Variants in TTC17 observed in about 807,000 individuals in gnomAD.
The protein encoded by TTC17 is tetratricopeptide repeat domain 17, also known as tetratricopeptide repeat protein 17.
In TTC17, 58 loss-of-function variants were observed where a neutral mutation model predicts 143.8. That is an observed-to-expected ratio of 0.40 (90% CI 0.33 to 0.50). TTC17 has a LOEUF of 0.50. Among genes scored for constraint, TTC17 ranks in the 20% least tolerant of loss-of-function variants. The probability of loss-of-function intolerance (pLI) is 0.49; values close to 1 mark genes in which losing one functional copy is unlikely to be tolerated. For missense variants in TTC17, 1,273 were observed against 1,392.5 expected (o/e 0.91, Z 1.37); for synonymous variants, 501 against 497.8 (o/e 1.01, Z -0.09).
chr11:43,463,983 T>C lies in TTC17; in HGVS notation c.3030+12718T>C, dbSNP rs73530653. Among the ~76,000 whole-genome samples the C allele has an allele frequency of 1.9e-3, 294 of 152,266 alleles. 2 individuals are homozygous for C. Among genetic ancestry groups the C allele is most frequent in the African/African-American group, 6.8e-3 (282 of 41,542 alleles). Reference sequence around the variant, plus strand: ...TGCTAAATAGGGGAAAAGATAAAATTATATCCATTCCACGGGGCGTGGTGG... The same window carrying C: ...TGCTAAATAGGGGAAAAGATAAAATCATATCCATTCCACGGGGCGTGGTGG... On this transcript the variant is annotated intron_variant, in intron 21 of 23. Coordinates refer to ENST00000039989, the MANE Select transcript of TTC17 (RefSeq NM_018259.6).
intron 8 of TTC17, among the ~76,000 whole-genome samples, chr11:43,398,972 T>A: frequency 6.8e-6 from 1 of 146,566 alleles, no homozygotes; most frequent in East Asian, 1.9e-4. Flanking sequence ...GCTGGCTCTA[T>A]CTTTACACAA....
intron 10 of TTC17, among the ~76,000 whole-genome samples, chr11:43,403,747 C>G (rs1565148089): frequency 6.6e-6 from 1 of 152,142 alleles, no homozygotes; most frequent in Non-Finnish European, 1.5e-5. Context: ...AGCAAAGGGA[C>G]AGGAAAACGA....
chr11:43,429,720 A>T (rs1297956055), intron 16 of TTC17, among the ~76,000 whole-genome samples: 3 of 152,220 alleles, frequency 2.0e-5, no homozygotes, highest in Admixed American at 1.3e-4. Flanking sequence ...AAAACTGCAT[A>T]ATTTTGAGTG....
At chr11:43,415,514 G>C (rs1946758683) in intron 16 of TTC17, among the ~76,000 whole-genome samples, 1 of 152,118 alleles carries the variant, frequency 6.6e-6, no homozygotes, top group Admixed American at 6.5e-5. Flanking sequence ...TCTAGCCATT[G>C]TAGAGTGCAC....
intron 3 of TTC17, among the ~76,000 whole-genome samples, chr11:43,390,571 G>A (rs11037431): frequency 0.042 from 5,803 of 139,532 alleles, 142 homozygotes; most frequent in Non-Finnish European, 0.065. Flanking sequence ...AGCCAAGATG[G>A]CACCACTGCA....
intron 8 of TTC17, among the ~76,000 whole-genome samples, chr11:43,399,304 A>G (rs1225415825): frequency 1.3e-5 from 2 of 152,364 alleles, no homozygotes; most frequent in African/African-American, 4.8e-5. Context: ...TGTTAAATAC[A>G]TAAACTTGTA....
At chr11:43,362,635 G>T (rs952932821) in intron 1 of TTC17, among the ~76,000 whole-genome samples, 1 of 151,914 alleles carries the variant, frequency 6.6e-6, no homozygotes, top group African/African-American at 2.4e-5. Flanking sequence ...TTAGAGATGG[G>T]GGTCTTTCTT....
chr11:43,435,240 T>C (rs1392849387), intron 16 of TTC17: 1 of 152,198 alleles, frequency 6.6e-6, no homozygotes, highest in Non-Finnish European at 1.5e-5. Context: ...AGAATTGTCC[T>C]CTAACAGGAA....
chr11:43,395,188 T>C (rs1857535515), intron 5 of TTC17, among the ~76,000 whole-genome samples: 1 of 150,628 alleles, frequency 6.6e-6, no homozygotes, highest in Admixed American at 6.6e-5. Flanking sequence ...GCAAGCTCCG[T>C]CTCCTGGGTT....
intron 5 of TTC17, among the ~76,000 whole-genome samples, chr11:43,392,441 G>A (rs765241046): frequency 2.6e-5 from 4 of 152,244 alleles, no homozygotes; most frequent in African/African-American, 9.6e-5. Context: ...GTATCATTCA[G>A]GATTAACGTG....
intron 18 of TTC17, chr11:43,447,787 A>T (rs778694547): frequency 1.3e-4 from 67 of 497,880 alleles, no homozygotes; most frequent in Non-Finnish European, 2.1e-4. Context: ...ATTTATTCTT[A>T]CTTCTCCACC....
At chr11:43,426,266 G>T (rs1274744066) in intron 16 of TTC17, among the ~76,000 whole-genome samples, 1 of 152,242 alleles carries the variant, frequency 6.6e-6, no homozygotes, top group Non-Finnish European at 1.5e-5. Context: ...GAGAGACTGA[G>T]TAAGATCCTG....
chr11:43,456,101 G>A (rs989176832), intron 21 of TTC17, among the ~76,000 whole-genome samples: 1 of 151,832 alleles, frequency 6.6e-6, no homozygotes, highest in African/African-American at 2.4e-5. Flanking sequence ...ATTATATCCA[G>A]ACTTGTGCAA....
intron 21 of TTC17, among the ~76,000 whole-genome samples, chr11:43,455,735 T>C (rs1947750435): frequency 6.6e-6 from 1 of 152,024 alleles, no homozygotes; most frequent in East Asian, 1.9e-4. Context: ...AAATAGTTAA[T>C]TCCAACCAAA....
At chr11:43,386,461 A>G (rs1857173479) in intron 2 of TTC17, among the ~76,000 whole-genome samples, 1 of 152,232 alleles carries the variant, frequency 6.6e-6, no homozygotes, top group Non-Finnish European at 1.5e-5. Flanking sequence ...ATGTGGTATT[A>G]TAATCTTATG....
At position 43,407,493 on chromosome 11, in the gene TTC17, C is replaced by T; in HGVS notation, c.1980C>T (p.Asn660=). The T allele has an allele frequency of 6.2e-7, 1 of 1,614,076 alleles. No individual in the cohort carries two copies. Among genetic ancestry groups the T allele is most frequent in the Non-Finnish European group, 8.5e-7 (1 of 1,179,984 alleles). ...PLQYQDVPLV[N]LANLLIHYGL... ...AATACCAAGATGTTCCTCTTGTCAA[C>T]TTGGCCAACCTTTTGATTCATTACG... is the stretch of plus-strand genomic sequence containing the variant. Residue 660 remains asparagine, a synonymous_variant, in exon 15 of 24, where the codon AAC becomes AAT. Coordinates refer to ENST00000039989, the MANE Select transcript of TTC17 (RefSeq NM_018259.6).
At chr11:43,406,930 T>G (rs1178391379) in intron 13 of TTC17, among the ~76,000 whole-genome samples, 1 of 152,248 alleles carries the variant, frequency 6.6e-6, no homozygotes, top group Non-Finnish European at 1.5e-5. Context: ...TATGTCTTTT[T>G]AACTTTTTAG....
In TTC17 at chr11:43,488,568, A is replaced by C. The variant is rs187858089; in HGVS notation, c.3031-1671A>C. ...TAAATTTTGAGACAAATTAGTAGCT[A>C]TCTGGAGAAAAATTAAGTTGGAGCC... On this transcript the variant is annotated intron_variant, in intron 21 of 23. Coordinates refer to ENST00000039989, the MANE Select transcript of TTC17 (RefSeq NM_018259.6). 1.6e-3 allele frequency among the ~76,000 whole-genome samples: 236 copies of C among 152,118 alleles called. 1 individual carries two copies. The highest frequency in any genetic ancestry group is 5.4e-3 in the African/African-American group (225 of 41,542).
Position 43,359,265 on chromosome 11 carries a change from G to C in TTC17, c.159+152G>C. The C allele has an allele frequency of 4.1e-6, 4 of 966,590 alleles. No homozygotes were observed. In the South Asian group the frequency reaches 6.1e-5, roughly 15 times the overall value. The allele number at this position is 966,590 out of a possible 1,614,324, so 59.9% of individuals were successfully genotyped here. Reference sequence around the variant, plus strand: ...CGCGACCTCGGACTCCCTGCATTCGGACCAGGCAGGCACTTCCCGCTCCCC... The same window carrying C: ...CGCGACCTCGGACTCCCTGCATTCGCACCAGGCAGGCACTTCCCGCTCCCC... On this transcript the variant is annotated intron_variant, in intron 1 of 23. Coordinates refer to ENST00000039989, the MANE Select transcript of TTC17 (RefSeq NM_018259.6).
Sources: allele counts gnomAD v4.1 joint callset (sites outside exome capture counted in the v4.1 genomes callset), GRCh38; gene constraint gnomAD v4.1.1; transcripts MANE v1.5; gene names NCBI Gene and HGNC (gene_info 2026-07-23, HGNC 2026-07-21).